SLC22A2: variants seen among roughly 807,000 people sequenced by gnomAD.
The protein encoded by SLC22A2 is organic cation transporter 2.
In SLC22A2, 46 loss-of-function variants were observed where a neutral mutation model predicts 60.5. The observed-to-expected ratio is 0.76, with a 90% confidence interval of 0.60 to 0.97. SLC22A2 has a LOEUF of 0.97. Among genes scored for constraint, SLC22A2 ranks in the 50% least tolerant of loss-of-function variants. The pLI, the probability that SLC22A2 is intolerant of heterozygous loss-of-function variation, is 0.00. For synonymous variants in SLC22A2, 303 were observed against 267.0 expected, an observed-to-expected ratio of 1.13 and a Z score of -1.31; for missense variants, 701 against 706.6, an observed-to-expected ratio of 0.99 and a Z score of 0.09.
chr6:160,239,414 A>T (rs147278255), intron 9 of SLC22A2, among the ~76,000 whole-genome samples: 196 of 152,272 alleles, frequency 1.3e-3, no homozygotes, highest in African/African-American at 4.2e-3. Context: ...TTACTTTCTT[A>T]ATAAACTTGC....
chr6:160,227,025 A>AC (rs1782735956), intron 9 of SLC22A2, among the ~76,000 whole-genome samples: 1 of 152,172 alleles, frequency 6.6e-6, no homozygotes, highest in African/African-American at 2.4e-5. Context: ...AGACAAAAAA[A>AC]ATTAAAATAT....
chr6:160,222,950 C>T (rs977620125), intron 10 of SLC22A2, among the ~76,000 whole-genome samples: 1 of 152,166 alleles, frequency 6.6e-6, no homozygotes, highest in Non-Finnish European at 1.5e-5. Context: ...AACTTGGTGG[C>T]CTGCAGGCTG....
intron 2 of SLC22A2, among the ~76,000 whole-genome samples, chr6:160,252,049 G>A (rs1006404391): frequency 6.6e-6 from 1 of 152,082 alleles, no homozygotes; most frequent in African/African-American, 2.4e-5. Flanking sequence ...TGCCATTGTG[G>A]TTTGCTGTAC....
intron 3 of SLC22A2, 67 bp from the exon 4 acceptor site, chr6:160,249,451 G>T: frequency 7.8e-7 from 1 of 1,289,798 alleles, no homozygotes; most frequent in Non-Finnish European, 1.1e-6. Context: ...CAGCTATCAG[G>T]AAACTAGAAC....
At chr6:160,233,269 C>T (rs1782854757) in intron 9 of SLC22A2, among the ~76,000 whole-genome samples, 1 of 151,054 alleles carries the variant, frequency 6.6e-6, no homozygotes, top group South Asian at 2.1e-4. Context: ...ATGGTCATTT[C>T]TTCCCTTCTG....
chr6:160,226,717 G>T (rs1488334350), intron 9 of SLC22A2, among the ~76,000 whole-genome samples: 1 of 152,148 alleles, frequency 6.6e-6, no homozygotes, highest in East Asian at 1.9e-4. Flanking sequence ...TAATTCAGCA[G>T]AAGTTTTTCT....
At chr6:160,243,256 G>T (rs1303984846) in intron 7 of SLC22A2, among the ~76,000 whole-genome samples, 1 of 152,152 alleles carries the variant, frequency 6.6e-6, no homozygotes, top group Non-Finnish European at 1.5e-5. Flanking sequence ...CACCCAGGAA[G>T]GGCTGGAGTA....
chr6:160,217,216 T>C lies in SLC22A2; in HGVS notation c.*216A>G, dbSNP rs188438555. 1.0e-5 allele frequency: 4 copies of C among 394,218 alleles called. No individual in the cohort carries two copies. The highest frequency in any genetic ancestry group is 8.2e-5 in the African/African-American group (4 of 48,534). 24.4% of individuals were successfully genotyped at this position (394,218 alleles called of 1,614,324 possible). On this transcript the variant is annotated 3_prime_UTR_variant, in exon 11 of 11. Transcript: ENST00000366953. ...CCAATGTCCAATGTCCTAGGAATGC[T>C]GAGAATAAAGTGAGCTGGAAGAATT...
At chr6:160,243,483 C>A in intron 7 of SLC22A2, 89 bp downstream of exon 7, 3 of 1,010,870 alleles carry the variant, frequency 3.0e-6, no homozygotes, top group East Asian at 2.4e-5. Context: ...ATTTGGATGA[C>A]AAATTACATG....
At position 160,247,312 on chromosome 6, in the gene SLC22A2, T is replaced by A. The variant is rs1783111763; in HGVS notation, c.843-14A>T. 1 of 1,408,926 alleles carries A rather than the reference T, an allele frequency of 7.1e-7. No individual in the cohort carries two copies. The highest frequency in any genetic ancestry group is 1.2e-5 in the South Asian group (1 of 86,888). 87.3% of individuals were successfully genotyped at this position (1,408,926 alleles called of 1,614,324 possible). A position where few individuals can be genotyped will look rare whatever the true frequency, so the allele number is the denominator to read the frequency against. On this transcript the variant is annotated splice_polypyrimidine_tract_variant and intron_variant, in intron 4 of 10. Transcript: ENST00000366953. ...TCAGGTATGCACCTAGGGTACAAGGTGAGCGGAGGGCAACTCTTACTGAAT... is the reference window on the plus strand; with the variant it reads ...TCAGGTATGCACCTAGGGTACAAGGAGAGCGGAGGGCAACTCTTACTGAAT...
At chr6:160,224,346 C>A (rs1248998219) in intron 10 of SLC22A2, among the ~76,000 whole-genome samples, 2 of 151,012 alleles carry the variant, frequency 1.3e-5, no homozygotes, top group African/African-American at 4.9e-5. Context: ...AAAATTAGCC[C>A]AATGTAGAGT....
chr6:160,249,167 C>A, intron 4 of SLC22A2, 49 bp downstream of exon 4: 1 of 1,325,686 alleles, frequency 7.5e-7, no homozygotes, highest in Non-Finnish European at 1.1e-6. Context: ...GACTTCTTAG[C>A]AGAATAAAAT....
Position 160,243,689 on chromosome 6 carries a change from A to G in SLC22A2, c.1162T>C (p.Phe388Leu). ...LDFFYSALVE[F>L]PAAFMIILTI... Reference sequence around the variant, plus strand: ...AGGATGATCATGAAGGCAGCTGGGAATTCAACCAGGGCAGAGTAGAAGAAA... The same window carrying G: ...AGGATGATCATGAAGGCAGCTGGGAGTTCAACCAGGGCAGAGTAGAAGAAA... The change falls in exon 7 of 11, where the codon TTC (phenylalanine) becomes CTC (leucine). Residue 388 changes from phenylalanine to leucine, a missense_variant. Phe to Leu is a conservative substitution (Grantham distance 22, BLOSUM62 0). Coordinates refer to ENST00000366953, the MANE Select transcript of SLC22A2 (RefSeq NM_003058.4). 4 of 1,614,074 alleles carry G rather than the reference A, an allele frequency of 2.5e-6. No individual in the cohort carries two copies. Among genetic ancestry groups the G allele is most frequent in the Non-Finnish European group, 3.4e-6 (4 of 1,179,952 alleles).
chr6:160,224,247 C>T (rs1214951164), intron 10 of SLC22A2, among the ~76,000 whole-genome samples: 2 of 150,122 alleles, frequency 1.3e-5, no homozygotes, highest in Non-Finnish European at 3.0e-5. Context: ...TATTTAAGAG[C>T]TGTTTTTATT....
At chr6:160,238,021 T>G (rs1169569184) in intron 9 of SLC22A2, among the ~76,000 whole-genome samples, 2 of 152,272 alleles carry the variant, frequency 1.3e-5, no homozygotes, top group Non-Finnish European at 2.9e-5. Flanking sequence ...GTTTAGCATA[T>G]AATTAAGAAA....
At chr6:160,228,425 CTT>C (rs1782763114) in intron 9 of SLC22A2, among the ~76,000 whole-genome samples, 2 of 152,134 alleles carry the variant, frequency 1.3e-5, no homozygotes, top group African/African-American at 4.8e-5. Flanking sequence ...GGCAAAGACA[CTT>C]GACTGAACTT....
rs769605310 is a variant in SLC22A2 at position 160,217,474 on chromosome 6, C to T, written c.1626G>A (p.Met542Ile). The T allele has an allele frequency of 6.3e-7, 1 of 1,598,232 alleles. No homozygotes were observed. Among genetic ancestry groups the T allele is most frequent in the South Asian group, 1.1e-5 (1 of 90,534 alleles). ...MQRPRKNKEK[M>I]IYLQVQKLDI... ...CTAGTTTCTGAACTTGGAGGTAAAT[C>T]ATCTTTTCTTTATTTTTTCTTGGTC... The change falls in exon 11 of 11, where the codon ATG (methionine) becomes ATA (isoleucine). Residue 542 changes from methionine to isoleucine, a missense_variant. Physicochemically the swap from Met to Ile is conservative, Grantham distance 10. Coordinates refer to ENST00000366953, the MANE Select transcript of SLC22A2 (RefSeq NM_003058.4).
chr6:160,246,947 T>C (rs771781948), intron 5 of SLC22A2, among the ~76,000 whole-genome samples: 1 of 152,240 alleles, frequency 6.6e-6, no homozygotes, highest in Non-Finnish European at 1.5e-5. Context: ...TCACGTGACC[T>C]TTAAATGATT....
At chr6:160,228,944 C>G (rs761128587) in intron 9 of SLC22A2, among the ~76,000 whole-genome samples, 2 of 151,810 alleles carry the variant, frequency 1.3e-5, no homozygotes, top group African/African-American at 4.9e-5. Context: ...TATCTCCCTT[C>G]GATGACTGTC....
Sources: gnomAD v4.1 joint callset for allele counts (sites outside exome capture counted in the v4.1 genomes callset) on GRCh38, gnomAD v4.1.1 for gene constraint, MANE v1.5 for transcripts, NCBI Gene and HGNC (gene_info 2026-07-23, HGNC 2026-07-21) for gene names.